The following MRTFB variants were observed in gnomAD, a reference collection of about 807,000 sequenced individuals.
MRTFB encodes the protein myocardin related transcription factor B.
Under a neutral mutation model 104.2 loss-of-function variants are expected in MRTFB, and 29 were observed. That is an observed-to-expected ratio of 0.28 (90% CI 0.21 to 0.38). The LOEUF (loss-of-function observed/expected upper bound fraction) is 0.38. Ranked by LOEUF, MRTFB falls within the 10% of genes least tolerant of loss-of-function variation. The pLI is 1.00. For missense variants in MRTFB, 1,270 were observed against 1,341.6 expected (o/e 0.95, Z 0.83); for synonymous variants, 535 against 519.5 (o/e 1.03, Z -0.41).
At chr16:14,239,935 C>T (rs2042687787) in intron 9 of MRTFB, among the ~76,000 whole-genome samples, 1 of 152,156 alleles carries the variant, frequency 6.6e-6, no homozygotes. Context: ...TATGTGTAAG[C>T]ACTTGGTAGT....
the MRTFB span, among the ~76,000 whole-genome samples, chr16:14,051,647 A>G: frequency 6.6e-6 from 1 of 152,130 alleles, no homozygotes; most frequent in Non-Finnish European, 1.5e-5. Flanking sequence ...ACTCGTATAG[A>G]CACACATTCA....
chr16:14,241,418 T>C (rs1007554434), intron 10 of MRTFB: 1 of 152,170 alleles, frequency 6.6e-6, no homozygotes, highest in Non-Finnish European at 1.5e-5. Context: ...ATAAAGAAAA[T>C]TTCTGGATAT....
chr16:14,195,122 T>C (rs1469189469), intron 3 of MRTFB, among the ~76,000 whole-genome samples: 1 of 152,202 alleles, frequency 6.6e-6, no homozygotes, highest in Non-Finnish European at 1.5e-5. Context: ...TTTATTTGAA[T>C]CTAAACAGTA....
At chr16:14,138,765 A>C (rs1288406416) in intron 2 of MRTFB, among the ~76,000 whole-genome samples, 1 of 152,224 alleles carries the variant, frequency 6.6e-6, no homozygotes, top group South Asian at 2.1e-4. Context: ...AAAGTCAAGT[A>C]ATAGATCTAT....
the MRTFB span, among the ~76,000 whole-genome samples, chr16:14,013,772 T>C: frequency 6.6e-6 from 1 of 152,208 alleles, no homozygotes; most frequent in Admixed American, 6.5e-5. Context: ...TCCTTCAGAT[T>C]ATGCCTGGGA....
At chr16:14,238,314 G>C (rs113066952) in intron 9 of MRTFB, among the ~76,000 whole-genome samples, 4 of 152,086 alleles carry the variant, frequency 2.6e-5, no homozygotes, top group African/African-American at 7.2e-5. Flanking sequence ...GGTTTTGCCA[G>C]GTGTCTATGA....
At chr16:14,041,478 T>A in the MRTFB span, among the ~76,000 whole-genome samples, 1 of 152,234 alleles carries the variant, frequency 6.6e-6, no homozygotes, top group Non-Finnish European at 1.5e-5. Flanking sequence ...AGCATAATGT[T>A]CATCCGTGTT....
chr16:14,227,464 A>G (rs1008717532), intron 8 of MRTFB, among the ~76,000 whole-genome samples: 2 of 152,130 alleles, frequency 1.3e-5, no homozygotes, highest in African/African-American at 4.8e-5. Flanking sequence ...AATCTGCAGA[A>G]TCGTGAGCCA....
the MRTFB span, among the ~76,000 whole-genome samples, chr16:14,062,627 C>T: frequency 4.5e-4 from 69 of 152,232 alleles, no homozygotes; most frequent in African/African-American, 1.4e-3. Context: ...AAGGGGTCGA[C>T]GTCCTTGGAT....
At chr16:14,227,439 C>T (rs867621072) in intron 8 of MRTFB, among the ~76,000 whole-genome samples, 5 of 152,302 alleles carry the variant, frequency 3.3e-5, no homozygotes, top group Middle Eastern at 3.4e-3. Context: ...CATGCTGGTG[C>T]CACGCATCCT....
At chr16:14,213,823 G>A (rs958336926) in intron 6 of MRTFB, among the ~76,000 whole-genome samples, 1 of 152,038 alleles carries the variant, frequency 6.6e-6, no homozygotes, top group Non-Finnish European at 1.5e-5. Flanking sequence ...CCAATTAATG[G>A]ACTAACACTT....
At chr16:14,123,860 G>C (rs994116422) in intron 2 of MRTFB, among the ~76,000 whole-genome samples, 1 of 152,182 alleles carries the variant, frequency 6.6e-6, no homozygotes, top group African/African-American at 2.4e-5. Flanking sequence ...ACTTAGGGCA[G>C]TGTGGCCATT....
At position 14,261,570 on chromosome 16, in the gene MRTFB, G is replaced by A; in HGVS notation, c.*126G>A. 9.9e-7 allele frequency: 1 copy of A among 1,011,440 alleles called. No homozygotes were observed. The highest frequency in any genetic ancestry group is 1.4e-6 in the Non-Finnish European group (1 of 706,594). 62.7% of individuals were successfully genotyped at this position (1,011,440 alleles called of 1,614,324 possible). A position where few individuals can be genotyped will look rare whatever the true frequency, so the allele number is the denominator to read the frequency against. ...AAAATATGTTGTCACAGAAAGAATA[G>A]GTGGAAGGTCATAGCCTGGAACCCA... On this transcript the variant is annotated 3_prime_UTR_variant, in exon 17 of 17. Transcript: ENST00000571589.
intron 10 of MRTFB, chr16:14,241,374 C>A (rs1308208579): frequency 6.6e-6 from 1 of 152,220 alleles, no homozygotes; most frequent in Non-Finnish European, 1.5e-5. Context: ...ACTGAATTCA[C>A]AGCAAGACAT....
intron 2 of MRTFB, among the ~76,000 whole-genome samples, chr16:14,098,969 A>G (rs971805129): frequency 2.0e-5 from 3 of 152,198 alleles, no homozygotes; most frequent in Non-Finnish European, 4.4e-5. Flanking sequence ...CACTGTCTTA[A>G]TTATTGTAGC....
intron 3 of MRTFB, among the ~76,000 whole-genome samples, chr16:14,150,399 A>G (rs937191386): frequency 3.3e-5 from 5 of 152,202 alleles, no homozygotes; most frequent in Admixed American, 6.5e-5. Context: ...AAATCCATGT[A>G]TAACTTTTGG....
chr16:14,212,472 C>G (rs2041235318), intron 5 of MRTFB, 63 bp downstream of exon 5: 2 of 1,479,976 alleles, frequency 1.4e-6, no homozygotes, highest in Non-Finnish European at 9.4e-7. Flanking sequence ...TCTAAAATAC[C>G]TGTGTACAAG....
intron 3 of MRTFB, among the ~76,000 whole-genome samples, chr16:14,205,676 C>T (rs756356378): frequency 5.9e-5 from 9 of 152,160 alleles, no homozygotes; most frequent in Non-Finnish European, 1.2e-4. Context: ...ATCTTTATTA[C>T]TTATGTCCTT....
intron 3 of MRTFB, chr16:14,187,157 A>C: frequency 1.3e-6 from 1 of 759,788 alleles, no homozygotes; most frequent in South Asian, 2.0e-5. Context: ...TACCTTACAC[A>C]TTCTAAGTTC....
Sources: allele counts gnomAD v4.1 joint callset (sites outside exome capture counted in the v4.1 genomes callset), GRCh38; gene constraint gnomAD v4.1.1; transcripts MANE v1.5; gene names NCBI Gene and HGNC (gene_info 2026-07-23, HGNC 2026-07-21).